The following PTPRD variants were observed in gnomAD, a reference collection of about 807,000 sequenced individuals.
PTPRD encodes protein tyrosine phosphatase receptor type D.
PTPRD carries 34 observed loss-of-function variants against 214.5 expected under a neutral mutation model. The observed-to-expected ratio is 0.16, with a 90% confidence interval of 0.12 to 0.21. The LOEUF is 0.21. Among genes scored for constraint, PTPRD ranks in the 10% least tolerant of loss-of-function variants. The probability of loss-of-function intolerance (pLI) is 1.00; values close to 1 mark genes in which losing one functional copy is unlikely to be tolerated. For synonymous variants in PTPRD, 1,128 were observed against 845.7 expected, an observed-to-expected ratio of 1.33 and a Z score of -5.79; for missense variants, 2,545 against 2,398.7, an observed-to-expected ratio of 1.06 and a Z score of -1.27.
chr9:9,429,593 A>C (rs2082279443), intron 8 of PTPRD, among the ~76,000 whole-genome samples: 1 of 152,228 alleles, frequency 6.6e-6, no homozygotes, highest in Non-Finnish European at 1.5e-5. Flanking sequence ...GCAGAGAAAA[A>C]ACAAAAAAAG....
At chr9:8,798,828 A>G (rs868823199) in intron 11 of PTPRD, among the ~76,000 whole-genome samples, 2 of 152,320 alleles carry the variant, frequency 1.3e-5, no homozygotes, top group Non-Finnish European at 2.9e-5. Context: ...TCTCATTGAT[A>G]TAAATTTACA....
chr9:9,042,505 A>T (rs925569887), intron 10 of PTPRD, among the ~76,000 whole-genome samples: 2 of 151,984 alleles, frequency 1.3e-5, no homozygotes, highest in Non-Finnish European at 2.9e-5. Context: ...AGGAGAAAAG[A>T]TGTGCCAGGC....
In PTPRD at chr9:8,349,100, A is replaced by G. The variant is rs564979057; in HGVS notation, c.4662-7122T>C. ...AAATAGGAAGCCCTCTCCCAGATCA[A>G]TAACACATAGGGGAACATTTCCCCG... On this transcript the variant is annotated intron_variant, in intron 39 of 45. Transcript: ENST00000381196. Among the ~76,000 whole-genome samples the G allele has an allele frequency of 5.9e-5, 9 of 152,304 alleles. No individual in the cohort carries two copies. The South Asian group carries it at 1.5e-3, about 25-fold the overall frequency.
At chr9:9,128,917 T>C (rs181449248) in intron 10 of PTPRD, among the ~76,000 whole-genome samples, 1 of 152,212 alleles carries the variant, frequency 6.6e-6, no homozygotes, top group African/African-American at 2.4e-5. Flanking sequence ...TGTAACATCA[T>C]TTTTCTCATT....
intron 3 of PTPRD, among the ~76,000 whole-genome samples, chr9:10,078,428 A>T (rs1339336451): frequency 6.7e-6 from 1 of 149,494 alleles, no homozygotes; most frequent in Non-Finnish European, 1.5e-5. Context: ...AGGAAGGAGA[A>T]TTGCTTGAAC....
chr9:9,653,271 A>G (rs963085236), intron 7 of PTPRD, among the ~76,000 whole-genome samples: 4 of 135,788 alleles, frequency 2.9e-5, no homozygotes, highest in African/African-American at 8.3e-5. Context: ...GAACCCGGGA[A>G]GCGGAGCTTG....
intron 7 of PTPRD, among the ~76,000 whole-genome samples, chr9:9,604,477 A>T (rs2094011493): frequency 6.6e-6 from 1 of 152,078 alleles, no homozygotes; most frequent in South Asian, 2.1e-4. Context: ...TATGTTTTAG[A>T]ATGTATGCTT....
rs570793106 is a variant in PTPRD, at chr9:9,427,504, G to A, written c.-236-30022C>T. On this transcript the variant is annotated intron_variant, in intron 8 of 45. Coordinates refer to ENST00000381196, the MANE Select transcript of PTPRD (RefSeq NM_002839.4). ...AAAACACTCTTCAGGATATTATCCA[G>A]GAGAACTTACCCAACCTAGCAAGGC... Among the ~76,000 whole-genome samples, 5 of 151,206 alleles carry A rather than the reference G, an allele frequency of 3.3e-5. No homozygotes were observed. In the East Asian group the frequency reaches 9.7e-4, roughly 29 times the overall value.
intron 43 of PTPRD, among the ~76,000 whole-genome samples, chr9:8,333,862 A>G (rs1843947002): frequency 6.6e-6 from 1 of 151,618 alleles, no homozygotes; most frequent in South Asian, 2.1e-4. Context: ...GGCAAAAAAA[A>G]AGAGCAGGGG....
At chr9:9,052,494 A>G (rs1221377453) in intron 10 of PTPRD, among the ~76,000 whole-genome samples, 1 of 152,152 alleles carries the variant, frequency 6.6e-6, no homozygotes, top group Non-Finnish European at 1.5e-5. Flanking sequence ...GTGTTGTTCA[A>G]TGTATGAGTA....
At chr9:9,330,984 T>C (rs2042095912) in intron 9 of PTPRD, among the ~76,000 whole-genome samples, 1 of 151,864 alleles carries the variant, frequency 6.6e-6, no homozygotes, top group Non-Finnish European at 1.5e-5. Context: ...TAAATGTTAA[T>C]GAACAGAGTA....
At chr9:10,595,348 G>C (rs1300534404) in intron 2 of PTPRD, among the ~76,000 whole-genome samples, 1 of 151,812 alleles carries the variant, frequency 6.6e-6, no homozygotes, top group Non-Finnish European at 1.5e-5. Context: ...TAATTGAATA[G>C]CTTTACACAA....
At chr9:9,447,921 G>A (rs1479374385) in intron 8 of PTPRD, among the ~76,000 whole-genome samples, 1 of 152,056 alleles carries the variant, frequency 6.6e-6, no homozygotes, top group Non-Finnish European at 1.5e-5. Flanking sequence ...AGTGATGAAA[G>A]ATCAAGGAGA....
At chr9:10,160,415 A>G (rs1429279084) in intron 3 of PTPRD, among the ~76,000 whole-genome samples, 1 of 151,998 alleles carries the variant, frequency 6.6e-6, no homozygotes, top group East Asian at 1.9e-4. Flanking sequence ...ATTTTACCCA[A>G]CCTTTCAAGA....
At chr9:9,555,462 G>A (rs539661137) in intron 8 of PTPRD, among the ~76,000 whole-genome samples, 28 of 152,026 alleles carry the variant, frequency 1.8e-4, no homozygotes, top group Non-Finnish European at 3.5e-4. Context: ...TTTATTTATC[G>A]TATTATAGTT....
At chr9:9,793,799 T>G (rs2098983446) in intron 5 of PTPRD, among the ~76,000 whole-genome samples, 2 of 152,234 alleles carry the variant, frequency 1.3e-5, no homozygotes, top group South Asian at 2.1e-4. Context: ...CAAATTCCAG[T>G]TAACTTTAAT....
At chr9:10,082,309 A>G (rs886747751) in intron 3 of PTPRD, among the ~76,000 whole-genome samples, 3 of 152,162 alleles carry the variant, frequency 2.0e-5, no homozygotes, top group African/African-American at 7.2e-5. Context: ...AAATGAATTG[A>G]CACATTTGAC....
At chr9:10,533,807 C>T (rs2057079489) in intron 2 of PTPRD, among the ~76,000 whole-genome samples, 1 of 151,716 alleles carries the variant, frequency 6.6e-6, no homozygotes, top group Non-Finnish European at 1.5e-5. Context: ...AGCCATATTT[C>T]ATGCATACTT....
At chr9:9,900,210 A>C (rs748939125) in intron 5 of PTPRD, among the ~76,000 whole-genome samples, 14 of 152,162 alleles carry the variant, frequency 9.2e-5, no homozygotes, top group Non-Finnish European at 1.8e-4. Context: ...CTCTGCTTCC[A>C]TTTTAAATAA....
Sources: gnomAD v4.1 joint callset for allele counts (sites outside exome capture counted in the v4.1 genomes callset) on GRCh38, gnomAD v4.1.1 for gene constraint, MANE v1.5 for transcripts, NCBI Gene and HGNC (gene_info 2026-07-23, HGNC 2026-07-21) for gene names.